Variants in ILDR2 observed in about 807,000 individuals in gnomAD.
ILDR2 encodes the protein immunoglobulin-like domain-containing receptor 2.
A neutral mutation model predicts 66.8 loss-of-function variants in ILDR2; 25 were observed. The ratio of observed to expected loss-of-function variants is 0.37; its 90% confidence interval spans 0.27 to 0.52. The LOEUF (loss-of-function observed/expected upper bound fraction) is 0.52. Ranked by LOEUF, ILDR2 falls within the 20% of genes least tolerant of loss-of-function variation. ILDR2 has a pLI of 0.88. For missense variants in ILDR2, 827 were observed against 876.8 expected (o/e 0.94, Z 0.72); for synonymous variants, 367 against 357.2 (o/e 1.03, Z -0.31).
rs116782608 is a variant in ILDR2, at chr1:166,947,680, C to T, written c.500-8110G>A. 5.9e-3 allele frequency among the ~76,000 whole-genome samples: 905 copies of T among 152,266 alleles called. 6 individuals carry two copies. Among genetic ancestry groups the T allele is most frequent in the African/African-American group, 0.021 (854 of 41,560 alleles). On this transcript the variant is annotated intron_variant, in intron 3 of 9. Coordinates refer to ENST00000271417, the MANE Select transcript of ILDR2 (RefSeq NM_199351.3). The stretch of plus-strand genomic sequence containing the variant: ...CCCAGCCCCCGTTTCCTCCCCCGCT[C>T]GGGCCGGCGCGGGTCCACCCGACTA...
chr1:166,958,839 C>T (rs952118024), intron 1 of ILDR2, among the ~76,000 whole-genome samples: 4 of 152,204 alleles, frequency 2.6e-5, no homozygotes, highest in African/African-American at 9.6e-5. Flanking sequence ...CCAGTACACT[C>T]TTCTTGCTAC....
intron 6 of ILDR2, among the ~76,000 whole-genome samples, chr1:166,932,661 G>A (rs1017533347): frequency 6.6e-6 from 1 of 152,098 alleles, no homozygotes; most frequent in African/African-American, 2.4e-5. Context: ...CTTGAAGAAT[G>A]GGAGAAGGAA....
At chr1:166,973,543 AC>A (rs371623174) in intron 1 of ILDR2, among the ~76,000 whole-genome samples, 1 of 146,042 alleles carries the variant, frequency 6.8e-6, no homozygotes, top group Non-Finnish European at 1.5e-5. Context: ...CTCCCTGCAA[AC>A]CCCCAGAGTA....
intron 1 of ILDR2, among the ~76,000 whole-genome samples, chr1:166,958,378 C>T (rs1662406315): frequency 6.6e-6 from 1 of 152,108 alleles, no homozygotes; most frequent in Admixed American, 6.5e-5. Flanking sequence ...TTCCCCTGTG[C>T]TGTTCTCGTG....
At chr1:166,944,145 T>C (rs1381430277) in intron 3 of ILDR2, among the ~76,000 whole-genome samples, 1 of 152,226 alleles carries the variant, frequency 6.6e-6, no homozygotes, top group African/African-American at 2.4e-5. Flanking sequence ...GAAATATGCA[T>C]TGTGAATAAA....
At position 166,911,456 on chromosome 1, in the gene ILDR2, C is replaced by A. The variant is rs923955264; in HGVS notation, c.*7899G>T. 3 of 151,826 alleles carry A rather than the reference C, an allele frequency of 2.0e-5. No homozygotes were observed. Among genetic ancestry groups the A allele is most frequent in the Admixed American group, 1.3e-4 (2 of 15,236 alleles). The allele number at this position is 151,826 out of a possible 1,614,324, so 9.4% of individuals were successfully genotyped here. Reference sequence around the variant, plus strand: ...CAAGAAAGGTTTTTCTTGACTGGCACAATGTAATATGGCATTGCACCACAC... The same window carrying A: ...CAAGAAAGGTTTTTCTTGACTGGCAAAATGTAATATGGCATTGCACCACAC... On this transcript the variant is annotated 3_prime_UTR_variant, in exon 10 of 10. Transcript: ENST00000271417.
At chr1:166,967,823 C>T (rs1247547565) in intron 1 of ILDR2, among the ~76,000 whole-genome samples, 1 of 152,184 alleles carries the variant, frequency 6.6e-6, no homozygotes, top group Non-Finnish European at 1.5e-5. Flanking sequence ...GCATCTCCAG[C>T]AGTCCCCAGC....
downstream of ILDR2, among the ~76,000 whole-genome samples, chr1:166,907,619 GAA>G (rs573089400): frequency 4.6e-5 from 7 of 152,178 alleles, no homozygotes; most frequent in South Asian, 2.1e-4. Context: ...GGAATCGAAA[GAA>G]AGTTTAGTAT....
rs554173078 is a variant in ILDR2, at chr1:166,912,433, G to A, written c.*6922C>T. On this transcript the variant is annotated 3_prime_UTR_variant, in exon 10 of 10. Transcript: ENST00000271417. Reference sequence around the variant, plus strand: ...AAAAGATGTGTAGAAAAAACACGTGGGTGATTCTAAACAAATACTTTATAA... The same window carrying A: ...AAAAGATGTGTAGAAAAAACACGTGAGTGATTCTAAACAAATACTTTATAA... 4.1e-4 allele frequency: 63 copies of A among 151,916 alleles called. No individual in the cohort carries two copies. Among genetic ancestry groups the A allele is most frequent in the African/African-American group, 1.5e-3 (61 of 41,448 alleles). The allele number at this position is 151,916 out of a possible 1,614,324, so 9.4% of individuals were successfully genotyped here. A position where few individuals can be genotyped will look rare whatever the true frequency, so the allele number is the denominator to read the frequency against.
chr1:166,926,748 G>A (rs368410120), intron 7 of ILDR2, among the ~76,000 whole-genome samples: 1 of 151,730 alleles, frequency 6.6e-6, no homozygotes, highest in Admixed American at 6.6e-5. Context: ...TTTATTCAAA[G>A]AAAGTTTGAA....
chr1:166,922,671 A>G lies in ILDR2; in HGVS notation c.1133T>C (p.Met378Thr), dbSNP rs776007645. 3 of 1,614,146 alleles carry G rather than the reference A, an allele frequency of 1.9e-6. No homozygotes were observed. Among genetic ancestry groups the G allele is most frequent in the Admixed American group, 1.7e-5 (1 of 60,026 alleles). The change falls in exon 8 of 10, where the codon ATG (methionine) becomes ACG (threonine). Residue 378 changes from methionine (M) to threonine (T), a missense_variant. Met to Thr is a moderately conservative substitution (Grantham distance 81). Coordinates refer to ENST00000271417, the MANE Select transcript of ILDR2 (RefSeq NM_199351.3). ...GCGGCTTGCCCCACTGCTGCCTCCC[A>G]TGACACCTGACCAATAGTCAGGATT... ...ESNPDYWSGVMGGSSGASRGP... is the reference protein window; with the variant it reads ...ESNPDYWSGVTGGSSGASRGP...
Position 166,936,697 on chromosome 1 carries a change from G to T in ILDR2, c.597C>A (p.Leu199=). Residue 199 remains leucine, a synonymous_variant, in exon 5 of 10, where the codon CTC becomes CTA. Transcript: ENST00000271417. This position sits in a 1 kb window ranked among gnomAD's most constrained non-coding sequence, Gnocchi z 5.0. ...FVGLVLLGVF[L]FFVLVGICWC... The stretch of plus-strand genomic sequence containing the variant: ...AGCAGATCCCCACCAGGACGAAGAA[G>T]AGGAAGACGCCCAGGAGCACCAGGC... The T allele has an allele frequency of 6.2e-7, 1 of 1,614,154 alleles. No homozygotes were observed. Among genetic ancestry groups the T allele is most frequent in the South Asian group, 1.1e-5 (1 of 91,086 alleles).
At chr1:166,974,893 C>T (rs1005110352) in intron 1 of ILDR2, among the ~76,000 whole-genome samples, 1 of 152,192 alleles carries the variant, frequency 6.6e-6, no homozygotes, top group Non-Finnish European at 1.5e-5. Flanking sequence ...CAGGATAAGA[C>T]CGAAGGAGAA....
chr1:166,963,733 A>G (rs1002941598), intron 1 of ILDR2, among the ~76,000 whole-genome samples: 1 of 152,210 alleles, frequency 6.6e-6, no homozygotes, highest in African/African-American at 2.4e-5. Context: ...CTCCAGCCAT[A>G]CTGAAATATT....
At chr1:166,944,211 C>A in intron 3 of ILDR2, among the ~76,000 whole-genome samples, 1 of 152,226 alleles carries the variant, frequency 6.6e-6, no homozygotes, top group East Asian at 1.9e-4. Context: ...TCTGCCACTG[C>A]CACTTTTGAA....
chr1:166,939,579 A>G lies in ILDR2; in HGVS notation c.500-9T>C, dbSNP rs370971598. The G allele has an allele frequency of 6.2e-7, 1 of 1,613,458 alleles. No homozygotes were observed. Among genetic ancestry groups the G allele is most frequent in the Non-Finnish European group, 8.5e-7 (1 of 1,179,374 alleles). On this transcript the variant is annotated splice_polypyrimidine_tract_variant and intron_variant, in intron 3 of 9. Coordinates refer to ENST00000271417, the MANE Select transcript of ILDR2 (RefSeq NM_199351.3). The stretch of plus-strand genomic sequence containing the variant: ...AAGCAGCCCTGTCCTGCCTAGAAGA[A>G]GTGGAAGGAAAAGAAGAAGGAAAGT...
chr1:166,970,025 A>G (rs1663188462), intron 1 of ILDR2, among the ~76,000 whole-genome samples: 1 of 152,248 alleles, frequency 6.6e-6, no homozygotes, highest in Non-Finnish European at 1.5e-5. Flanking sequence ...ATAAGTGAGA[A>G]AAACATCGGG....
chr1:166,966,483 G>A (rs1321358358), intron 1 of ILDR2, among the ~76,000 whole-genome samples: 2 of 152,148 alleles, frequency 1.3e-5, no homozygotes, highest in Non-Finnish European at 2.9e-5. Flanking sequence ...TGCTGCCACT[G>A]CCCAGGTGGA....
intron 1 of ILDR2, among the ~76,000 whole-genome samples, chr1:166,959,469 G>A (rs1662482299): frequency 6.6e-6 from 1 of 152,178 alleles, no homozygotes; most frequent in Non-Finnish European, 1.5e-5. Flanking sequence ...ACCCAGCAAA[G>A]GGGACAGAGA....
Sources: allele counts gnomAD v4.1 joint callset (sites outside exome capture counted in the v4.1 genomes callset), GRCh38; gene constraint gnomAD v4.1.1; non-coding constraint Gnocchi (gnomAD v3.1); transcripts MANE v1.5; gene names NCBI Gene and HGNC (gene_info 2026-07-23, HGNC 2026-07-21).